NFAT5: variants seen among roughly 807,000 people sequenced by gnomAD.
NFAT5 encodes nuclear factor of activated T cells 5, also known as nuclear factor of activated T-cells 5.
NFAT5 carries 31 observed loss-of-function variants against 166.5 expected under a neutral mutation model. That is an observed-to-expected ratio of 0.19 (90% CI 0.14 to 0.25). The LOEUF (loss-of-function observed/expected upper bound fraction) is 0.25, where lower values mean the gene tolerates loss of function less well. Among genes scored for constraint, NFAT5 ranks in the 10% least tolerant of loss-of-function variants. NFAT5 has a pLI of 1.00. For missense variants in NFAT5, 1,449 were observed against 1,821.8 expected (o/e 0.80, Z 3.72); for synonymous variants, 612 against 639.7 (o/e 0.96, Z 0.65).
At chr16:69,614,719 A>G (rs1432494874) in intron 2 of NFAT5, among the ~76,000 whole-genome samples, 1 of 152,146 alleles carries the variant, frequency 6.6e-6, no homozygotes, top group African/African-American at 2.4e-5. Flanking sequence ...CCTTGTCCTT[A>G]GATCCTATTT....
intron 2 of NFAT5, among the ~76,000 whole-genome samples, chr16:69,598,317 G>T (rs2032922520): frequency 6.6e-6 from 1 of 150,394 alleles, no homozygotes; most frequent in African/African-American, 2.5e-5. Context: ...GGTTGAGGCT[G>T]CAGTGAGCCA....
rs543770744 is a variant in NFAT5 at position 69,595,588 on chromosome 16, C to T, written c.127+27040C>T. Among the ~76,000 whole-genome samples the T allele has an allele frequency of 1.6e-4, 24 of 152,334 alleles. No homozygotes were observed. The South Asian group carries it at 3.9e-3, about 25-fold the overall frequency. On this transcript the variant is annotated intron_variant, in intron 2 of 14. Coordinates refer to ENST00000349945, the MANE Select transcript of NFAT5 (RefSeq NM_138713.4). ...GTAACTTTTGCTGTTTGAGGTGTGG[C>T]AGCAAAACTAGCATGAATAATTTCT...
rs997109040 is a variant in NFAT5 at position 69,568,417 on chromosome 16, A to C, written c.74-78A>C. ...ATACACACACACACATTGCAGTTAT[A>C]TAAGAGATGTATGCTATCCTTGGCA... On this transcript the variant is annotated intron_variant, in intron 1 of 14. Coordinates refer to ENST00000349945, the MANE Select transcript of NFAT5 (RefSeq NM_138713.4). The C allele has an allele frequency of 3.5e-6, 3 of 850,662 alleles. No homozygotes were observed. The South Asian group carries it at 4.5e-5, about 13-fold the overall frequency. 52.7% of individuals were successfully genotyped at this position (850,662 alleles called of 1,614,324 possible).
At chr16:69,631,627 T>G (rs1230116296) in intron 3 of NFAT5, among the ~76,000 whole-genome samples, 8 of 151,598 alleles carry the variant, frequency 5.3e-5, no homozygotes, top group Admixed American at 5.2e-4. Flanking sequence ...TGTGCTTTTG[T>G]TTTTGTTTTT....
intron 3 of NFAT5, chr16:69,632,167 A>G (rs2034747992): frequency 6.6e-6 from 1 of 152,232 alleles, no homozygotes; most frequent in African/African-American, 2.4e-5. Context: ...AAATTTCTAA[A>G]CCATCTATAA....
At chr16:69,640,445 G>A (rs1188359586) in intron 3 of NFAT5, among the ~76,000 whole-genome samples, 2 of 152,172 alleles carry the variant, frequency 1.3e-5, no homozygotes, top group Non-Finnish European at 2.9e-5. Flanking sequence ...TGGCATGTAA[G>A]GTGTCGACAA....
chr16:69,692,215 A>C lies in NFAT5; in HGVS notation c.2390A>C (p.Gln797Pro). 6.2e-7 allele frequency: 1 copy of C among 1,614,200 alleles called. No homozygotes were observed. The highest frequency in any genetic ancestry group is 1.6e-4 in the Middle Eastern group (1 of 6,062). ...SQLQNTIQQL[Q>P]AGSFTGSTAS... Reference sequence around the variant, plus strand: ...CTTCAGAATACTATTCAGCAGCTGCAAGCAGGGAGTTTCACAGGCAGTACT... The same window carrying C: ...CTTCAGAATACTATTCAGCAGCTGCCAGCAGGGAGTTTCACAGGCAGTACT... Residue 797 changes from glutamine (Q) to proline (P), a missense_variant, in exon 13 of 15, where the codon CAA becomes CCA. By Grantham distance (76) the Gln-to-Pro change is moderately conservative. Coordinates refer to ENST00000349945, the MANE Select transcript of NFAT5 (RefSeq NM_138713.4).
At chr16:69,634,120 A>C (rs2034844278) in intron 3 of NFAT5, among the ~76,000 whole-genome samples, 1 of 151,982 alleles carries the variant, frequency 6.6e-6, no homozygotes, top group South Asian at 2.1e-4. Context: ...TCTACTAAAA[A>C]TACAAAAATT....
chr16:69,632,780 G>A (rs244415), intron 3 of NFAT5, among the ~76,000 whole-genome samples: 52,061 of 151,928 alleles, frequency 0.34, 9,653 homozygotes, highest in Non-Finnish European at 0.42. Flanking sequence ...AACGAGAAAG[G>A]TAATTCACCT....
intron 2 of NFAT5, among the ~76,000 whole-genome samples, chr16:69,572,349 G>A (rs2016491586): frequency 6.6e-6 from 1 of 152,100 alleles, no homozygotes; most frequent in South Asian, 2.1e-4. Context: ...AAAGTAACTT[G>A]TGTTACAAAA....
intron 2 of NFAT5, among the ~76,000 whole-genome samples, chr16:69,601,962 C>G (rs2033154229): frequency 6.6e-6 from 1 of 152,146 alleles, no homozygotes; most frequent in African/African-American, 2.4e-5. Context: ...ATAAGACCAC[C>G]CCCAAACCAT....
At chr16:69,641,291 A>G (rs1271531259) in intron 3 of NFAT5, among the ~76,000 whole-genome samples, 1 of 142,748 alleles carries the variant, frequency 7.0e-6, no homozygotes, top group East Asian at 2.5e-4. Context: ...AAAAAAAAAA[A>G]AAAAAAAAAG....
chr16:69,600,926 A>G (rs2033099979), intron 2 of NFAT5, among the ~76,000 whole-genome samples: 1 of 152,194 alleles, frequency 6.6e-6, no homozygotes, highest in African/African-American at 2.4e-5. Context: ...TATGATTAAC[A>G]GGATGAATAT....
chr16:69,661,539 T>TAAAAAAAAAAAAAAAAAA (rs1037382239), intron 7 of NFAT5, among the ~76,000 whole-genome samples: 6 of 37,934 alleles, frequency 1.6e-4, no homozygotes, highest in East Asian at 1.3e-3. Flanking sequence ...CCCAGTCTCT[T>TAAAAAAAAAAAAAAAAAA]AAAAAAAAAA....
chr16:69,567,196 G>C (rs1177320877), intron 1 of NFAT5, among the ~76,000 whole-genome samples: 1 of 152,214 alleles, frequency 6.6e-6, no homozygotes. Flanking sequence ...TTCAAGGGCT[G>C]GTTGCAGGGA....
At chr16:69,687,436 GAA>G (rs374420987) in intron 11 of NFAT5, among the ~76,000 whole-genome samples, 3 of 85,414 alleles carry the variant, frequency 3.5e-5, no homozygotes, top group African/African-American at 9.0e-5. Flanking sequence ...GCAAGACTCT[GAA>G]AAAAAAAAAA....
intron 1 of NFAT5, among the ~76,000 whole-genome samples, chr16:69,567,856 A>G (rs1201239906): frequency 2.0e-5 from 3 of 152,236 alleles, no homozygotes; most frequent in Admixed American, 2.0e-4. Context: ...GAGTGCTAAA[A>G]ATAGCCAAGA....
At chr16:69,680,128 G>T (rs1238001311) in intron 10 of NFAT5, among the ~76,000 whole-genome samples, 2 of 151,934 alleles carry the variant, frequency 1.3e-5, no homozygotes, top group African/African-American at 2.4e-5. Flanking sequence ...AAAAGAAAAA[G>T]GAAAGAAAAT....
chr16:69,661,983 G>A (rs8054096), intron 7 of NFAT5, among the ~76,000 whole-genome samples: 39,275 of 152,046 alleles, frequency 0.26, 5,541 homozygotes, highest in East Asian at 0.45. Flanking sequence ...AGCACTTTGG[G>A]AGGCCAAGGC....
Sources: allele counts gnomAD v4.1 joint callset (sites outside exome capture counted in the v4.1 genomes callset), GRCh38; gene constraint gnomAD v4.1.1; transcripts MANE v1.5; gene names NCBI Gene and HGNC (gene_info 2026-07-23, HGNC 2026-07-21).